CARM1: variants seen among roughly 807,000 people sequenced by gnomAD.
CARM1 encodes the protein histone-arginine methyltransferase CARM1.
In CARM1, 14 loss-of-function variants were observed where a neutral mutation model predicts 72.7. The ratio of observed to expected loss-of-function variants is 0.19; its 90% confidence interval spans 0.13 to 0.30. The LOEUF (loss-of-function observed/expected upper bound fraction) is 0.30, where lower values mean the gene tolerates loss of function less well. Ranked by LOEUF, CARM1 falls within the 10% of genes least tolerant of loss-of-function variation. The pLI, the probability that CARM1 is intolerant of heterozygous loss-of-function variation, is 1.00. For synonymous variants in CARM1, 333 were observed against 345.5 expected, an observed-to-expected ratio of 0.96 and a Z score of 0.40; for missense variants, 432 against 833.7, an observed-to-expected ratio of 0.52 and a Z score of 5.93.
intron 1 of CARM1, among the ~76,000 whole-genome samples, chr19:10,874,515 C>T (rs560167524): frequency 1.3e-5 from 2 of 152,170 alleles, no homozygotes; most frequent in East Asian, 3.9e-4. Flanking sequence ...ACCTCAGCCT[C>T]CCTAGTAGCT....
intron 5 of CARM1, among the ~76,000 whole-genome samples, chr19:10,913,495 G>T (rs896712931): frequency 6.6e-6 from 1 of 151,752 alleles, no homozygotes; most frequent in South Asian, 2.1e-4. Flanking sequence ...CCGAGATGGC[G>T]CCACTACCAC....
intron 1 of CARM1, among the ~76,000 whole-genome samples, chr19:10,897,456 G>A (rs960764945): frequency 3.3e-5 from 5 of 152,248 alleles, no homozygotes; most frequent in Non-Finnish European, 7.4e-5. Context: ...AGCAAGAAAG[G>A]CTGCCTCAAA....
chr19:10,897,970 G>A (rs1045623497), intron 1 of CARM1, among the ~76,000 whole-genome samples: 1 of 152,144 alleles, frequency 6.6e-6, no homozygotes, highest in Non-Finnish European at 1.5e-5. Context: ...AGCCGGGCGA[G>A]GTGGCGGGCG....
intron 1 of CARM1, among the ~76,000 whole-genome samples, chr19:10,877,474 G>A (rs2073872941): frequency 6.6e-6 from 1 of 151,606 alleles, no homozygotes; most frequent in Non-Finnish European, 1.5e-5. Context: ...CCAGGCTGGA[G>A]TGCAATGGCA....
chr19:10,876,101 A>T (rs1364390357), intron 1 of CARM1, among the ~76,000 whole-genome samples: 4 of 149,338 alleles, frequency 2.7e-5, no homozygotes, highest in Admixed American at 6.7e-5. Context: ...CTGGTCTCGA[A>T]CTCCTGACCT....
chr19:10,888,825 G>T (rs1243735815), intron 1 of CARM1, among the ~76,000 whole-genome samples: 1 of 152,210 alleles, frequency 6.6e-6, no homozygotes, highest in Non-Finnish European at 1.5e-5. Context: ...TGAAGGGGGT[G>T]CCCCGTCTCT....
chr19:10,875,308 C>G (rs1243566813), intron 1 of CARM1, among the ~76,000 whole-genome samples: 2 of 152,216 alleles, frequency 1.3e-5, no homozygotes, highest in African/African-American at 4.8e-5. Flanking sequence ...GTCTTCACTC[C>G]TGTGTCTTGT....
intron 1 of CARM1, among the ~76,000 whole-genome samples, chr19:10,875,199 C>T (rs941539223): frequency 7.9e-5 from 12 of 152,180 alleles, no homozygotes; most frequent in African/African-American, 2.9e-4. Flanking sequence ...GGGCCACAAT[C>T]CCTGGAGAGG....
intron 1 of CARM1, among the ~76,000 whole-genome samples, chr19:10,883,222 A>G (rs2073915156): frequency 6.6e-6 from 1 of 152,104 alleles, no homozygotes; most frequent in African/African-American, 2.4e-5. Flanking sequence ...CACACCCAAC[A>G]TAGGTGAATC....
chr19:10,871,955 CG>C lies in CARM1; in HGVS notation c.220+37del. ...CGGGGCCCCGGGGCAGGCGCAGGGC[CG>C]GGGCTGCTCACGAGGCCGGCCCGGG... On this transcript the variant is annotated intron_variant, in intron 1 of 15. Transcript: ENST00000327064. The surrounding 1 kb of genome is among the most constrained non-coding windows in gnomAD (Gnocchi z 5.6). The C allele has an allele frequency of 8.5e-7, 1 of 1,171,386 alleles. No individual in the cohort carries two copies. The highest frequency in any genetic ancestry group is 1.1e-6 in the Non-Finnish European group (1 of 948,954). The allele number at this position is 1,171,386 out of a possible 1,614,324, so 72.6% of individuals were successfully genotyped here.
At chr19:10,874,160 TTGCCC>T (rs759916202) in intron 1 of CARM1, among the ~76,000 whole-genome samples, 1 of 152,152 alleles carries the variant, frequency 6.6e-6, no homozygotes, top group Non-Finnish European at 1.5e-5. Context: ...TGTCACTGTG[TTGCCC>T]AGGCTGGTCT....
intron 1 of CARM1, among the ~76,000 whole-genome samples, chr19:10,884,611 G>A (rs762267586): frequency 2.6e-5 from 4 of 152,076 alleles, no homozygotes; most frequent in African/African-American, 9.7e-5. Context: ...AGGAAATGGA[G>A]ACCAGGCCTA....
chr19:10,882,533 TC>T (rs1264590175), intron 1 of CARM1, among the ~76,000 whole-genome samples: 2 of 136,068 alleles, frequency 1.5e-5, no homozygotes, highest in Admixed American at 1.5e-4. Flanking sequence ...GTGCACTCTG[TC>T]TTTTTTTTTT....
intron 1 of CARM1, among the ~76,000 whole-genome samples, chr19:10,888,819 G>A (rs763276670): frequency 9.2e-5 from 14 of 152,218 alleles, no homozygotes; most frequent in Non-Finnish European, 1.9e-4. Flanking sequence ...TCCCAGTGAA[G>A]GGGGTGCCCC....
At chr19:10,883,727 A>T (rs558569417) in intron 1 of CARM1, among the ~76,000 whole-genome samples, 25 of 152,252 alleles carry the variant, frequency 1.6e-4, no homozygotes, top group South Asian at 4.1e-4. Flanking sequence ...CTAATTTTTT[A>T]AAAAAATTGG....
intron 6 of CARM1, 140 bp downstream of exon 6, chr19:10,914,194 A>T (rs1599708136): frequency 2.0e-5 from 17 of 836,092 alleles, no homozygotes; most frequent in South Asian, 1.1e-4. Flanking sequence ...CCCCGCTCCC[A>T]CCCCAACCCC....
In CARM1 at chr19:10,901,474, G is replaced by C. The variant is rs974932449; in HGVS notation, c.221-3477G>C. On this transcript the variant is annotated intron_variant, in intron 1 of 15. Transcript: ENST00000327064. ...TGGGATCTCAGGCATGCACCACCAT[G>C]CCCGGCTAATTTTGTTTATTTTTTT... Among the ~76,000 whole-genome samples the C allele has an allele frequency of 2.0e-5, 3 of 152,146 alleles. No individual in the cohort carries two copies. The South Asian group carries it at 6.2e-4, about 32-fold the overall frequency.
intron 1 of CARM1, among the ~76,000 whole-genome samples, chr19:10,886,448 G>A (rs1294640268): frequency 4.0e-5 from 6 of 151,618 alleles, no homozygotes; most frequent in African/African-American, 7.3e-5. Context: ...CTCCCACCTC[G>A]ACCACCCAAA....
At chr19:10,888,487 C>T (rs2073957517) in intron 1 of CARM1, among the ~76,000 whole-genome samples, 1 of 152,186 alleles carries the variant, frequency 6.6e-6, no homozygotes, top group Admixed American at 6.5e-5. Context: ...CCTGCACAGC[C>T]AACACCTAAG....
Sources: allele counts gnomAD v4.1 joint callset (sites outside exome capture counted in the v4.1 genomes callset), GRCh38; gene constraint gnomAD v4.1.1; non-coding constraint Gnocchi (gnomAD v3.1); transcripts MANE v1.5; gene names NCBI Gene and HGNC (gene_info 2026-07-23, HGNC 2026-07-21).